Variants in PDE8B observed in about 807,000 individuals in gnomAD.
PDE8B encodes the protein high affinity cAMP-specific and IBMX-insensitive 3',5'-cyclic phosphodiesterase 8B.
In PDE8B, 26 loss-of-function variants were observed where a neutral mutation model predicts 101.3. The observed-to-expected ratio is 0.26, with a 90% CI of 0.19 to 0.36. The LOEUF is 0.36. Among genes scored for constraint, PDE8B ranks in the 10% least tolerant of loss-of-function variants. The pLI is 1.00. For synonymous variants in PDE8B, 424 were observed against 429.3 expected (o/e 0.99, Z 0.15); for missense variants, 810 against 1,163.1 (o/e 0.70, Z 4.42).
the PDE8B span, among the ~76,000 whole-genome samples, chr5:77,161,502 T>C: frequency 2.7e-3 from 405 of 152,296 alleles, 6 homozygotes; most frequent in Admixed American, 9.1e-3. Context: ...TCCATTCACC[T>C]ATTGATGAAC....
chr5:77,163,393 T>G, the PDE8B span, among the ~76,000 whole-genome samples: 1 of 152,260 alleles, frequency 6.6e-6, no homozygotes, highest in African/African-American at 2.4e-5. Flanking sequence ...AAGAACACTT[T>G]GCAAAGGTTG....
chr5:77,115,506 A>AG, the PDE8B span, among the ~76,000 whole-genome samples: 1 of 152,262 alleles, frequency 6.6e-6, no homozygotes, highest in Non-Finnish European at 1.5e-5. Context: ...AGAAGCTGAT[A>AG]AGAAGGAAGT....
At chr5:77,412,555 T>C (rs1474773982) in intron 16 of PDE8B, among the ~76,000 whole-genome samples, 1 of 104,172 alleles carries the variant, frequency 9.6e-6, no homozygotes, top group Non-Finnish European at 2.0e-5. Context: ...CACTATAGAT[T>C]TTTTTTTTTT....
chr5:77,166,374 G>A, the PDE8B span, among the ~76,000 whole-genome samples: 2 of 152,280 alleles, frequency 1.3e-5, no homozygotes, highest in South Asian at 4.1e-4. Context: ...AGGGCCTGAG[G>A]TCTAGGCATT....
At chr5:77,264,629 A>G (rs907494754) in intron 1 of PDE8B, among the ~76,000 whole-genome samples, 1 of 152,188 alleles carries the variant, frequency 6.6e-6, no homozygotes, top group Non-Finnish European at 1.5e-5. Context: ...GCTAAGTGCC[A>G]GTAAGTAGTG....
chr5:77,272,034 G>A (rs367546199), intron 1 of PDE8B, among the ~76,000 whole-genome samples: 45 of 152,114 alleles, frequency 3.0e-4, no homozygotes, highest in Non-Finnish European at 4.9e-4. Context: ...ACAGACCTGC[G>A]ATGTTTACAT....
intron 1 of PDE8B, among the ~76,000 whole-genome samples, chr5:77,221,679 C>T (rs1316909631): frequency 6.6e-6 from 1 of 152,142 alleles, no homozygotes; most frequent in Non-Finnish European, 1.5e-5. Flanking sequence ...CAAGAGTTGA[C>T]TCCCTAGCAT....
rs961858753 is a variant in PDE8B at position 77,338,982 on chromosome 5, C to T, written c.797+1667C>T. 2.6e-5 allele frequency among the ~76,000 whole-genome samples: 4 copies of T among 152,118 alleles called. No homozygotes were observed. In the South Asian group the frequency reaches 8.3e-4, roughly 32 times the overall value. ...TGCACATGGGGCACTGGGGGGCTGT[C>T]CCAGGAATGTTAGGGGCACCTTGTC... is the stretch of plus-strand genomic sequence containing the variant. On this transcript the variant is annotated intron_variant, in intron 6 of 21. Transcript: ENST00000264917.
the PDE8B span, among the ~76,000 whole-genome samples, chr5:77,102,620 A>G: frequency 4.6e-5 from 7 of 152,326 alleles, no homozygotes; most frequent in Admixed American, 3.3e-4. Flanking sequence ...CCAGAAGGAC[A>G]GAAGCAGCCC....
At chr5:77,175,339 T>C in the PDE8B span, among the ~76,000 whole-genome samples, 1 of 152,178 alleles carries the variant, frequency 6.6e-6, no homozygotes, top group Non-Finnish European at 1.5e-5. Context: ...TCCCAAGGCC[T>C]CCTCCCTGGC....
chr5:77,159,383 C>A, the PDE8B span, among the ~76,000 whole-genome samples: 1 of 152,086 alleles, frequency 6.6e-6, no homozygotes, highest in Non-Finnish European at 1.5e-5. Flanking sequence ...ATAAAGCAGG[C>A]AGAAAAAACG....
rs925535673 is a variant in PDE8B at position 77,419,748 on chromosome 5, T to C, written c.2130-19T>C. On this transcript the variant is annotated intron_variant, in intron 18 of 21. Coordinates refer to ENST00000264917, the MANE Select transcript of PDE8B (RefSeq NM_003719.5). Reference sequence around the variant, plus strand: ...GAGACACGCTGTGAACAAGCCCCTTTGTCTTGTGGTTATTTTAGGAACCAT... The same window carrying C: ...GAGACACGCTGTGAACAAGCCCCTTCGTCTTGTGGTTATTTTAGGAACCAT... 3.1e-6 allele frequency: 5 copies of C among 1,613,474 alleles called. No individual in the cohort carries two copies. In the East Asian group the frequency reaches 8.9e-5, roughly 29 times the overall value.
chr5:77,155,834 T>C, the PDE8B span, among the ~76,000 whole-genome samples: 10,223 of 152,232 alleles, frequency 0.067, 1,118 homozygotes, highest in African/African-American at 0.23. Context: ...ACCACTAGGC[T>C]GGTGTTATAA....
intron 1 of PDE8B, among the ~76,000 whole-genome samples, chr5:77,271,791 C>T (rs557743986): frequency 1.3e-5 from 2 of 152,294 alleles, no homozygotes; most frequent in East Asian, 1.9e-4. Context: ...AGTCCTTATA[C>T]ATTCTCATCT....
At chr5:77,299,242 T>TTTG (rs140788882) in intron 1 of PDE8B, among the ~76,000 whole-genome samples, 9 of 150,800 alleles carry the variant, frequency 6.0e-5, no homozygotes, top group East Asian at 2.0e-4. Flanking sequence ...AGAGTTGTTT[T>TTTG]TTTGTTTGTT....
chr5:77,269,248 A>G (rs1354211006), intron 1 of PDE8B, among the ~76,000 whole-genome samples: 4 of 152,070 alleles, frequency 2.6e-5, no homozygotes, highest in Non-Finnish European at 5.9e-5. Context: ...GCATCTTTTT[A>G]TATACCTGTT....
At chr5:77,364,673 T>C (rs13356848) in intron 10 of PDE8B, among the ~76,000 whole-genome samples, 11,250 of 152,198 alleles carry the variant, frequency 0.074, 652 homozygotes, top group African/African-American at 0.15. Flanking sequence ...TTCCTCATTA[T>C]TTGTTAGTCA....
rs188653805 is a variant in PDE8B, at chr5:77,367,601, A to G, written c.1167+14195A>G. Among the ~76,000 whole-genome samples the G allele has an allele frequency of 2.1e-3, 293 of 139,878 alleles. 2 individuals are homozygous for G. Among genetic ancestry groups the G allele is most frequent in the African/African-American group, 7.4e-3 (276 of 37,452 alleles). 91.8% of individuals were successfully genotyped at this position (139,878 alleles called of 152,430 possible). On this transcript the variant is annotated intron_variant, in intron 10 of 21. Coordinates refer to ENST00000264917, the MANE Select transcript of PDE8B (RefSeq NM_003719.5). Reference sequence around the variant, plus strand: ...GCTGGAGTGCAGGGGCGCAATCTCGACTCACTGCAACCTCCGACTCCCGGG... The same window carrying G: ...GCTGGAGTGCAGGGGCGCAATCTCGGCTCACTGCAACCTCCGACTCCCGGG...
chr5:77,200,835 G>A, the PDE8B span, among the ~76,000 whole-genome samples: 5 of 152,322 alleles, frequency 3.3e-5, no homozygotes, highest in Admixed American at 2.0e-4. Flanking sequence ...GATATTATAA[G>A]CCTCAAATAT....
Sources: gnomAD v4.1 joint callset for allele counts (sites outside exome capture counted in the v4.1 genomes callset) on GRCh38, gnomAD v4.1.1 for gene constraint, MANE v1.5 for transcripts, NCBI Gene and HGNC (gene_info 2026-07-23, HGNC 2026-07-21) for gene names.